CCDC148: variants seen among roughly 807,000 people sequenced by gnomAD.
CCDC148 encodes the protein coiled-coil domain containing 148, also known as coiled-coil domain-containing protein 148.
In CCDC148, 89 loss-of-function variants were observed where a neutral mutation model predicts 85.7. The ratio of observed to expected loss-of-function variants is 1.04; its 90% confidence interval spans 0.87 to 1.24. The LOEUF is 1.24. Among genes scored for constraint, CCDC148 ranks in the 50% most tolerant of loss-of-function variants. The pLI is 0.00. For missense variants in CCDC148, 692 were observed against 671.7 expected (o/e 1.03, Z -0.33); for synonymous variants, 230 against 213.9 (o/e 1.08, Z -0.66).
At chr2:158,433,927 G>A (rs1407256641) in intron 1 of CCDC148, among the ~76,000 whole-genome samples, 1 of 152,232 alleles carries the variant, frequency 6.6e-6, no homozygotes, top group Non-Finnish European at 1.5e-5. Flanking sequence ...GCTGGGGGAG[G>A]GGCGTCCGCC....
chr2:158,222,827 A>G (rs1449741420), intron 10 of CCDC148, among the ~76,000 whole-genome samples: 1 of 152,168 alleles, frequency 6.6e-6, no homozygotes, highest in Non-Finnish European at 1.5e-5. Flanking sequence ...AAGAATTCAG[A>G]TACTTGGAGT....
At chr2:158,447,127 A>G (rs1446223409) in intron 1 of CCDC148, 3 of 152,200 alleles carry the variant, frequency 2.0e-5, no homozygotes, top group South Asian at 2.1e-4. Context: ...GTCATATGGT[A>G]TAAGTTTATA....
intron 1 of CCDC148, among the ~76,000 whole-genome samples, chr2:158,419,342 A>C (rs1017452583): frequency 4.6e-5 from 7 of 152,190 alleles, no homozygotes; most frequent in African/African-American, 1.7e-4. Context: ...CTTTTTTTAC[A>C]AGATAATTTT....
At chr2:158,365,967 A>G (rs777664227) in intron 1 of CCDC148, 2 of 1,279,424 alleles carry the variant, frequency 1.6e-6, no homozygotes, top group South Asian at 2.8e-5. Flanking sequence ...TCAAAAGTAC[A>G]TAATCCACTG....
intron 10 of CCDC148, among the ~76,000 whole-genome samples, chr2:158,246,737 T>A (rs1466079628): frequency 6.6e-6 from 1 of 152,114 alleles, no homozygotes; most frequent in Non-Finnish European, 1.5e-5. Context: ...TACACCATAA[T>A]CACTCTCTGC....
intron 9 of CCDC148, among the ~76,000 whole-genome samples, chr2:158,299,307 G>A (rs1691339009): frequency 6.6e-6 from 1 of 152,100 alleles, no homozygotes; most frequent in African/African-American, 2.4e-5. Flanking sequence ...ATCTCATCCT[G>A]CACATTCAGA....
chr2:158,365,951 A>T, intron 1 of CCDC148: 1 of 1,155,050 alleles, frequency 8.7e-7, no homozygotes, highest in African/African-American at 1.6e-5. Context: ...CCAATTGTGT[A>T]TCATTTCAAA....
chr2:158,400,080 C>T (rs1489352177), intron 1 of CCDC148, among the ~76,000 whole-genome samples: 1 of 152,154 alleles, frequency 6.6e-6, no homozygotes, highest in East Asian at 1.9e-4. Flanking sequence ...AACGGAAGAA[C>T]ATTCCATGTC....
chr2:158,393,579 G>A (rs909753984), intron 1 of CCDC148, among the ~76,000 whole-genome samples: 1 of 152,160 alleles, frequency 6.6e-6, no homozygotes, highest in African/African-American at 2.4e-5. Flanking sequence ...ACAGGTTAGG[G>A]GGCCAAGTGG....
At chr2:158,422,691 T>A (rs1273766987) in intron 1 of CCDC148, among the ~76,000 whole-genome samples, 1 of 152,198 alleles carries the variant, frequency 6.6e-6, no homozygotes, top group African/African-American at 2.4e-5. Flanking sequence ...GGATGCCCTC[T>A]CTCACCACTC....
chr2:158,186,780 G>C (rs756390933), intron 11 of CCDC148, among the ~76,000 whole-genome samples: 3 of 151,936 alleles, frequency 2.0e-5, no homozygotes, highest in Non-Finnish European at 2.9e-5. Context: ...CTAGGTCCCA[G>C]GTTAGGCCTT....
chr2:158,266,765 C>T (rs1423115013), intron 9 of CCDC148, among the ~76,000 whole-genome samples: 1 of 151,972 alleles, frequency 6.6e-6, no homozygotes, highest in African/African-American at 2.4e-5. Context: ...ATAATAGTCT[C>T]CAATCCCATC....
Position 158,172,075 on chromosome 2 carries a change from G to C in CCDC148, c.*38C>G, listed in dbSNP as rs1268644846. On this transcript the variant is annotated 3_prime_UTR_variant, in exon 14 of 14. Coordinates refer to ENST00000283233, the MANE Select transcript of CCDC148 (RefSeq NM_138803.4). ...TATTATCCATATACATGTTTTCAAAGAAAAATGCTCTTTACATATAGAATT... is the reference window on the plus strand; with the variant it reads ...TATTATCCATATACATGTTTTCAAACAAAAATGCTCTTTACATATAGAATT... The C allele has an allele frequency of 2.7e-5, 39 of 1,452,792 alleles. No individual in the cohort carries two copies. The highest frequency in any genetic ancestry group is 3.5e-5 in the Non-Finnish European group (38 of 1,071,396). The allele number at this position is 1,452,792 out of a possible 1,614,324, so 90.0% of individuals were successfully genotyped here.
intron 8 of CCDC148, among the ~76,000 whole-genome samples, chr2:158,313,081 C>T (rs1404245584): frequency 2.0e-5 from 3 of 152,162 alleles, no homozygotes; most frequent in Non-Finnish European, 4.4e-5. Flanking sequence ...TGTTTGTTTA[C>T]GTGTATGTTA....
chr2:158,220,717 T>C lies in CCDC148; in HGVS notation c.1252-4A>G, dbSNP rs1687133824. On this transcript the variant is annotated splice_region_variant and splice_polypyrimidine_tract_variant and intron_variant, in intron 10 of 13. Transcript: ENST00000283233. ...TCTTGGCCCAGTATTTTTTTATCTATTGTATAAATGTTACATAAAATTTAA... is the reference window on the plus strand; with the variant it reads ...TCTTGGCCCAGTATTTTTTTATCTACTGTATAAATGTTACATAAAATTTAA... The C allele has an allele frequency of 3.2e-6, 5 of 1,562,310 alleles. No homozygotes were observed. Among genetic ancestry groups the C allele is most frequent in the East Asian group, 4.6e-5 (2 of 43,608 alleles).
intron 1 of CCDC148, among the ~76,000 whole-genome samples, chr2:158,431,228 A>G (rs1305921174): frequency 6.6e-6 from 1 of 152,036 alleles, no homozygotes; most frequent in Non-Finnish European, 1.5e-5. Flanking sequence ...ATTGAAGAAT[A>G]CCAATGAACC....
At chr2:158,264,036 A>C (rs1689348142) in intron 9 of CCDC148, among the ~76,000 whole-genome samples, 1 of 151,944 alleles carries the variant, frequency 6.6e-6, no homozygotes, top group South Asian at 2.1e-4. Context: ...CAGAACCCTC[A>C]AGAGAACTGC....
intron 1 of CCDC148, among the ~76,000 whole-genome samples, chr2:158,381,443 GA>G (rs1394770079): frequency 6.6e-6 from 1 of 152,080 alleles, no homozygotes; most frequent in Non-Finnish European, 1.5e-5. Flanking sequence ...TAGGGTAGCT[GA>G]AATGAAAAAG....
intron 1 of CCDC148, among the ~76,000 whole-genome samples, chr2:158,363,142 C>A (rs1684041831): frequency 6.6e-6 from 1 of 152,124 alleles, no homozygotes; most frequent in Admixed American, 6.5e-5. Flanking sequence ...CTGAACAGAA[C>A]AATAACAAGT....
Sources: gnomAD v4.1 joint callset for allele counts (sites outside exome capture counted in the v4.1 genomes callset) on GRCh38, gnomAD v4.1.1 for gene constraint, MANE v1.5 for transcripts, NCBI Gene and HGNC (gene_info 2026-07-23, HGNC 2026-07-21) for gene names.